SGCD: variants seen among roughly 807,000 people sequenced by gnomAD.
SGCD encodes the protein sarcoglycan delta.
A neutral mutation model predicts 36.6 loss-of-function variants in SGCD; 18 were observed. The observed-to-expected ratio is 0.49, with a 90% CI of 0.34 to 0.73. The LOEUF (loss-of-function observed/expected upper bound fraction) is 0.73. SGCD is among the 30% of genes least tolerant of loss of function. The pLI is 0.01. For missense variants in SGCD, 387 were observed against 346.7 expected (o/e 1.12, Z -0.92); for synonymous variants, 133 against 130.6 (o/e 1.02, Z -0.12).
intron 7 of SGCD, among the ~76,000 whole-genome samples, chr5:156,704,953 A>G (rs1365839413): frequency 6.6e-6 from 1 of 151,992 alleles, no homozygotes; most frequent in African/African-American, 2.4e-5. Context: ...ACCCTACCCA[A>G]CTATTTTTTT....
At chr5:155,894,301 G>T (rs1756200360) in intron 1 of SGCD, among the ~76,000 whole-genome samples, 2 of 152,186 alleles carry the variant, frequency 1.3e-5, no homozygotes, top group African/African-American at 4.8e-5. Flanking sequence ...GTAGGCAATA[G>T]AAATTTTTCG....
At chr5:156,501,511 T>G (rs982299604) in intron 3 of SGCD, among the ~76,000 whole-genome samples, 1 of 152,194 alleles carries the variant, frequency 6.6e-6, no homozygotes, top group African/African-American at 2.4e-5. Flanking sequence ...TTAAAACAAC[T>G]AACCAATCTG....
At chr5:156,226,690 G>C (rs1194706536) in intron 3 of SGCD, among the ~76,000 whole-genome samples, 1 of 152,096 alleles carries the variant, frequency 6.6e-6, no homozygotes, top group East Asian at 1.9e-4. Context: ...CAGCACTGTA[G>C]AAGTGTTCCC....
chr5:156,446,781 G>A (rs1352916598), intron 3 of SGCD, among the ~76,000 whole-genome samples: 1 of 152,080 alleles, frequency 6.6e-6, no homozygotes, highest in Non-Finnish European at 1.5e-5. Context: ...GAGATAATAA[G>A]GCAAAGAATG....
intron 4 of SGCD, among the ~76,000 whole-genome samples, chr5:156,534,731 C>A (rs372657669): frequency 2.6e-4 from 40 of 152,244 alleles, no homozygotes; most frequent in East Asian, 2.5e-3. Context: ...AGGCATATTA[C>A]CTGACATCTT....
intron 3 of SGCD, among the ~76,000 whole-genome samples, chr5:156,391,452 C>T (rs147626002): frequency 6.6e-6 from 1 of 152,194 alleles, no homozygotes; most frequent in East Asian, 1.9e-4. Context: ...TTCAATCAAC[C>T]ACAGATAGAA....
the SGCD span, among the ~76,000 whole-genome samples, chr5:155,775,715 C>G: frequency 6.6e-6 from 1 of 151,760 alleles, no homozygotes; most frequent in African/African-American, 2.4e-5. Flanking sequence ...CATTCAGTCT[C>G]TGATTATGCA....
chr5:156,267,450 T>C (rs1052448028), intron 3 of SGCD, among the ~76,000 whole-genome samples: 3 of 152,160 alleles, frequency 2.0e-5, no homozygotes, highest in African/African-American at 7.2e-5. Flanking sequence ...TAAAACCCAT[T>C]AGCAAACAGA....
At chr5:156,007,339 T>C (rs1033287014) in intron 1 of SGCD, among the ~76,000 whole-genome samples, 1 of 152,216 alleles carries the variant, frequency 6.6e-6, no homozygotes, top group African/African-American at 2.4e-5. Context: ...GTAAGATCTC[T>C]GTCTCCTTTC....
intron 3 of SGCD, among the ~76,000 whole-genome samples, chr5:156,438,025 T>C (rs1010080432): frequency 1.3e-5 from 2 of 152,154 alleles, no homozygotes; most frequent in Non-Finnish European, 2.9e-5. Context: ...ACCTGGAGGA[T>C]ACATTGGGGA....
chr5:156,627,858 A>G (rs1185951111), intron 6 of SGCD, among the ~76,000 whole-genome samples: 1 of 152,214 alleles, frequency 6.6e-6, no homozygotes, highest in African/African-American at 2.4e-5. Flanking sequence ...GGTAATGTTT[A>G]TAATCAAAAT....
intron 3 of SGCD, among the ~76,000 whole-genome samples, chr5:156,425,930 T>G (rs540391529): frequency 1.3e-5 from 2 of 152,100 alleles, no homozygotes; most frequent in Non-Finnish European, 2.9e-5. Context: ...ACAGTACATA[T>G]ATACCAAATA....
At chr5:156,113,404 G>A (rs1761836097) in intron 1 of SGCD, among the ~76,000 whole-genome samples, 1 of 152,000 alleles carries the variant, frequency 6.6e-6, no homozygotes. Flanking sequence ...TCAGGGACTG[G>A]GAATACAGCA....
intron 3 of SGCD, among the ~76,000 whole-genome samples, chr5:156,399,429 T>C (rs1236603338): frequency 6.6e-6 from 1 of 152,132 alleles, no homozygotes; most frequent in Non-Finnish European, 1.5e-5. Context: ...CCTTTAGGAG[T>C]CCAAAAGATC....
chr5:156,173,719 A>G (rs571386714), intron 3 of SGCD, among the ~76,000 whole-genome samples: 82 of 152,252 alleles, frequency 5.4e-4, no homozygotes, highest in African/African-American at 1.9e-3. Context: ...TTCCCCAAAC[A>G]ATGTTAAATA....
intron 4 of SGCD, among the ~76,000 whole-genome samples, chr5:156,566,069 T>C (rs1248740061): frequency 6.6e-6 from 1 of 152,126 alleles, no homozygotes; most frequent in African/African-American, 2.4e-5. Context: ...AAAGAAGACA[T>C]TTATGTGGCC....
chr5:155,748,088 T>C, the SGCD span, among the ~76,000 whole-genome samples: 1 of 152,112 alleles, frequency 6.6e-6, no homozygotes, highest in Non-Finnish European at 1.5e-5. Context: ...TGACCAGGGC[T>C]GCTGACCTTT....
At chr5:155,881,645 T>C (rs1474247232) in intron 1 of SGCD, among the ~76,000 whole-genome samples, 1 of 152,200 alleles carries the variant, frequency 6.6e-6, no homozygotes, top group African/African-American at 2.4e-5. Context: ...CTTGATGGAT[T>C]CTTCCTTTCA....
intron 7 of SGCD, among the ~76,000 whole-genome samples, chr5:156,697,908 A>G (rs114287128): frequency 1.3e-5 from 2 of 152,304 alleles, no homozygotes; most frequent in African/African-American, 4.8e-5. Context: ...GGAAGCAACA[A>G]AGAAGATGTT....
Sources: allele counts gnomAD v4.1 joint callset (sites outside exome capture counted in the v4.1 genomes callset), GRCh38; gene constraint gnomAD v4.1.1; transcripts MANE v1.5; gene names NCBI Gene and HGNC (gene_info 2026-07-23, HGNC 2026-07-21).